The following KCNH7 variants were observed in gnomAD, a reference collection of about 807,000 sequenced individuals.
KCNH7 encodes voltage-gated inwardly rectifying potassium channel KCNH7.
A neutral mutation model predicts 120.8 loss-of-function variants in KCNH7; 49 were observed. That is an observed-to-expected ratio of 0.41 (90% CI 0.32 to 0.51). The LOEUF (loss-of-function observed/expected upper bound fraction) is 0.51, where lower values mean the gene tolerates loss of function less well. Ranked by LOEUF, KCNH7 falls within the 20% of genes least tolerant of loss-of-function variation. The pLI, the probability that KCNH7 is intolerant of heterozygous loss-of-function variation, is 0.38. For missense variants in KCNH7, 1,097 were observed against 1,446.6 expected (o/e 0.76, Z 3.92); for synonymous variants, 547 against 516.1 (o/e 1.06, Z -0.81).
chr2:162,429,230 T>C (rs561034339), intron 8 of KCNH7, among the ~76,000 whole-genome samples: 3 of 151,940 alleles, frequency 2.0e-5, no homozygotes, highest in East Asian at 1.9e-4. Flanking sequence ...CTTACAGCAA[T>C]ATATACTTCT....
Position 162,381,100 on chromosome 2 carries a change from G to A in KCNH7, c.2963-1079C>T, listed in dbSNP as rs187493888. On this transcript the variant is annotated intron_variant, in intron 13 of 15. Coordinates refer to ENST00000332142, the MANE Select transcript of KCNH7 (RefSeq NM_033272.4). ...CTGGGAGTTGACTTTGGAGATAAAG[G>A]AGAAACATTTTTCTTCACTGGGAGG... 1.3e-3 allele frequency among the ~76,000 whole-genome samples: 199 copies of A among 152,162 alleles called. 1 individual carries two copies. The highest frequency in any genetic ancestry group is 4.5e-3 in the African/African-American group (186 of 41,518).
At chr2:162,546,948 G>T (rs1692501388) in intron 2 of KCNH7, among the ~76,000 whole-genome samples, 1 of 152,080 alleles carries the variant, frequency 6.6e-6, no homozygotes, top group Non-Finnish European at 1.5e-5. Flanking sequence ...TGTGAGGGAA[G>T]CTGTATTAGT....
At chr2:162,439,782 T>A (rs1688363400) in intron 7 of KCNH7, among the ~76,000 whole-genome samples, 1 of 151,928 alleles carries the variant, frequency 6.6e-6, no homozygotes, top group Admixed American at 6.6e-5. Context: ...GAGGTAGAAG[T>A]TAGTTCCCTT....
intron 2 of KCNH7, among the ~76,000 whole-genome samples, chr2:162,665,427 C>G (rs552097586): frequency 6.6e-6 from 1 of 151,984 alleles, no homozygotes; most frequent in Non-Finnish European, 1.5e-5. Context: ...TCTAAGAACA[C>G]AAGATTTTAA....
chr2:162,738,405 A>G (rs1213767920), intron 2 of KCNH7, among the ~76,000 whole-genome samples: 1 of 152,178 alleles, frequency 6.6e-6, no homozygotes. Context: ...TTATACATTA[A>G]GATCGTCACT....
At chr2:162,462,514 T>TGAGAGCAAGAGAGAGA (rs1383728721) in intron 6 of KCNH7, among the ~76,000 whole-genome samples, 10 of 138,526 alleles carry the variant, frequency 7.2e-5, no homozygotes, top group South Asian at 4.7e-4. Flanking sequence ...ATCAGGAGAG[T>TGAGAGCAAGAGAGAGA]GAGAGCAAGA....
intron 2 of KCNH7, chr2:162,796,392 C>A (rs892228267): frequency 6.6e-6 from 1 of 152,050 alleles, no homozygotes; most frequent in Non-Finnish European, 1.5e-5. Context: ...AAAAAAAAAC[C>A]TGCTCATTGA....
intron 3 of KCNH7, among the ~76,000 whole-genome samples, chr2:162,521,060 C>A (rs924639496): frequency 6.6e-6 from 1 of 152,022 alleles, no homozygotes; most frequent in African/African-American, 2.4e-5. Context: ...CATGGGTAAG[C>A]TTTTCCTTCC....
chr2:162,377,801 T>A (rs1056998207), intron 14 of KCNH7, among the ~76,000 whole-genome samples: 4 of 152,218 alleles, frequency 2.6e-5, no homozygotes, highest in Non-Finnish European at 4.4e-5. Flanking sequence ...AGGAAACACA[T>A]ACCGATATTG....
At chr2:162,692,391 C>T (rs1197623319) in intron 2 of KCNH7, among the ~76,000 whole-genome samples, 1 of 152,078 alleles carries the variant, frequency 6.6e-6, no homozygotes, top group Non-Finnish European at 1.5e-5. Context: ...AGAATCCATA[C>T]CAGACTTCTC....
At chr2:162,538,554 G>A (rs1692192270) in intron 2 of KCNH7, among the ~76,000 whole-genome samples, 1 of 152,012 alleles carries the variant, frequency 6.6e-6, no homozygotes, top group Admixed American at 6.6e-5. Flanking sequence ...CTTTTTGGGA[G>A]CCCTAACATC....
At chr2:162,607,511 A>C (rs1322190284) in intron 2 of KCNH7, among the ~76,000 whole-genome samples, 1 of 152,136 alleles carries the variant, frequency 6.6e-6, no homozygotes, top group African/African-American at 2.4e-5. Context: ...CATTCATGTT[A>C]TAATTAGGAA....
chr2:162,533,442 C>A (rs1692001163), intron 3 of KCNH7, among the ~76,000 whole-genome samples: 1 of 151,462 alleles, frequency 6.6e-6, no homozygotes, highest in Admixed American at 6.6e-5. Context: ...AAAAAAGACA[C>A]AACCAAAACA....
At chr2:162,465,968 C>T (rs527449929) in intron 6 of KCNH7, among the ~76,000 whole-genome samples, 2 of 152,236 alleles carry the variant, frequency 1.3e-5, no homozygotes, top group South Asian at 2.1e-4. Context: ...TCAGAATTTA[C>T]CCAGTATTGC....
rs541120399 is a variant in KCNH7 at position 162,453,249 on chromosome 2, T to C, written c.1129-6806A>G. On this transcript the variant is annotated intron_variant, in intron 6 of 15. Transcript: ENST00000332142. ...TGTTCCTGTGTTAGTTTGCTGAGAA[T>C]GATGGCTTCCAGCATTGTCCATGTC... 3.9e-5 allele frequency among the ~76,000 whole-genome samples: 6 copies of C among 152,306 alleles called. No homozygotes were observed. In the South Asian group the frequency reaches 1.2e-3, roughly 32 times the overall value.
At chr2:162,470,659 C>T (rs566955791) in intron 6 of KCNH7, among the ~76,000 whole-genome samples, 24 of 143,370 alleles carry the variant, frequency 1.7e-4, no homozygotes, top group South Asian at 9.4e-4. Flanking sequence ...CCGCCCCGTC[C>T]GGGAGGTGAG....
chr2:162,486,170 T>C (rs907176287), intron 6 of KCNH7, among the ~76,000 whole-genome samples: 1 of 152,150 alleles, frequency 6.6e-6, no homozygotes, highest in Non-Finnish European at 1.5e-5. Context: ...ATTCTGGTTC[T>C]CCTCACACCA....
chr2:162,734,969 C>T (rs1405221907), intron 2 of KCNH7, among the ~76,000 whole-genome samples: 1 of 152,164 alleles, frequency 6.6e-6, no homozygotes, highest in Non-Finnish European at 1.5e-5. Context: ...TTCTGCCTTG[C>T]ATCCAAGCCT....
intron 12 of KCNH7, among the ~76,000 whole-genome samples, chr2:162,393,792 A>T (rs767215679): frequency 2.0e-5 from 3 of 151,930 alleles, no homozygotes; most frequent in African/African-American, 7.2e-5. Context: ...AGAGCCTACT[A>T]TTTGAGGGCG....
Sources: allele counts gnomAD v4.1 joint callset (sites outside exome capture counted in the v4.1 genomes callset), GRCh38; gene constraint gnomAD v4.1.1; transcripts MANE v1.5; gene names NCBI Gene and HGNC (gene_info 2026-07-23, HGNC 2026-07-21).